The following RPS6KA5 variants were observed in gnomAD, a reference collection of about 807,000 sequenced individuals.
The protein encoded by RPS6KA5 is ribosomal protein S6 kinase alpha-5.
A neutral mutation model predicts 85.5 loss-of-function variants in RPS6KA5; 27 were observed. The ratio of observed to expected loss-of-function variants is 0.32; its 90% CI spans 0.23 to 0.44. The LOEUF (loss-of-function observed/expected upper bound fraction) is 0.44, where lower values mean the gene tolerates loss of function less well. Ranked by LOEUF, RPS6KA5 falls within the 20% of genes least tolerant of loss-of-function variation. The probability of loss-of-function intolerance (pLI) is 1.00; values close to 1 mark genes in which losing one functional copy is unlikely to be tolerated. For missense variants in RPS6KA5, 811 were observed against 980.9 expected, an observed-to-expected ratio of 0.83 and a Z score of 2.31; for synonymous variants, 334 against 348.2, an observed-to-expected ratio of 0.96 and a Z score of 0.46.
Position 90,900,188 on chromosome 14 carries a change from T to C in RPS6KA5, c.1299A>G (p.Gly433=), listed in dbSNP as rs1410363348. The change falls in exon 11 of 17, where the codon GGA becomes GGG. Residue 433 remains glycine (G), a synonymous_variant. Coordinates refer to ENST00000614987, the MANE Select transcript of RPS6KA5 (RefSeq NM_004755.4). Reference sequence around the variant, plus strand: ...TTCGACAAATTGAAAAACTACCTTCTCCCAGGGGTTTGTCCTTCAAATCTA... The same window carrying C: ...TTCGACAAATTGAAAAACTACCTTCCCCCAGGGGTTTGTCCTTCAAATCTA... ...YDLDLKDKPL[G]EGSFSICRKC... is the part of the protein sequence containing the mutation. 28 of 1,605,400 alleles carry C rather than the reference T, an allele frequency of 1.7e-5. No individual in the cohort carries two copies. The highest frequency in any genetic ancestry group is 2.4e-5 in the Non-Finnish European group (28 of 1,175,194).
intron 2 of RPS6KA5, among the ~76,000 whole-genome samples, chr14:90,994,333 T>A (rs952922820): frequency 1.3e-5 from 2 of 152,052 alleles, no homozygotes; most frequent in African/African-American, 4.8e-5. Flanking sequence ...ATACTTTGAA[T>A]TGTTTTTTTT....
chr14:91,021,822 T>C (rs1292067073), intron 1 of RPS6KA5, among the ~76,000 whole-genome samples: 3 of 152,208 alleles, frequency 2.0e-5, no homozygotes, highest in Non-Finnish European at 4.4e-5. Flanking sequence ...TTTCTTTTTC[T>C]TTCTCTCTTT....
intron 14 of RPS6KA5, among the ~76,000 whole-genome samples, chr14:90,889,393 AC>A (rs1209304887): frequency 6.6e-6 from 1 of 152,168 alleles, no homozygotes; most frequent in Non-Finnish European, 1.5e-5. Flanking sequence ...CATCAAAGAA[AC>A]ACATGCAAAT....
At chr14:91,058,359 A>T (rs920416300) in intron 1 of RPS6KA5, among the ~76,000 whole-genome samples, 1 of 152,254 alleles carries the variant, frequency 6.6e-6, no homozygotes, top group South Asian at 2.1e-4. Context: ...GGGGAAATAA[A>T]GCAGTACTCA....
chr14:90,975,505 G>A (rs1340612867), intron 3 of RPS6KA5, among the ~76,000 whole-genome samples: 11 of 152,300 alleles, frequency 7.2e-5, no homozygotes, highest in Admixed American at 5.9e-4. Context: ...GATACCAGGG[G>A]CACACATGCG....
At chr14:90,908,240 AAGG>A (rs1408283561) in intron 7 of RPS6KA5, among the ~76,000 whole-genome samples, 1 of 152,236 alleles carries the variant, frequency 6.6e-6, no homozygotes, top group Non-Finnish European at 1.5e-5. Flanking sequence ...AGAAGAACAC[AAGG>A]AGACCACATG....
intron 5 of RPS6KA5, among the ~76,000 whole-genome samples, chr14:90,923,724 A>G (rs2036521205): frequency 6.6e-6 from 1 of 152,042 alleles, no homozygotes; most frequent in African/African-American, 2.4e-5. Context: ...TTTTTTTTCT[A>G]CCTTACCATC....
At chr14:91,029,496 T>C (rs958901218) in intron 1 of RPS6KA5, among the ~76,000 whole-genome samples, 3 of 152,234 alleles carry the variant, frequency 2.0e-5, no homozygotes, top group Non-Finnish European at 4.4e-5. Flanking sequence ...ACATTGCATG[T>C]AGGCACTGTG....
rs1273893952 is a variant in RPS6KA5, at chr14:90,852,129, G to A, written c.*19945C>T. ...TTTTAAGACGGAGTCTCGCTCTGTC[G>A]CCCAGGCTGGAGTGCAGTGGTGTGG... On this transcript the variant is annotated 3_prime_UTR_variant, in exon 17 of 17. Coordinates refer to ENST00000614987, the MANE Select transcript of RPS6KA5 (RefSeq NM_004755.4). 1 of 116,010 alleles carries A rather than the reference G, an allele frequency of 8.6e-6. No individual in the cohort carries two copies. Among genetic ancestry groups the A allele is most frequent in the African/African-American group, 3.2e-5 (1 of 30,856 alleles). 7.2% of individuals were successfully genotyped at this position (116,010 alleles called of 1,614,324 possible).
intron 5 of RPS6KA5, among the ~76,000 whole-genome samples, chr14:90,935,462 T>C (rs1298263452): frequency 6.6e-6 from 1 of 152,222 alleles, no homozygotes; most frequent in Admixed American, 6.5e-5. Flanking sequence ...ATGATAATTC[T>C]ATAAATTAGG....
At chr14:91,040,985 C>G (rs954941574) in intron 1 of RPS6KA5, among the ~76,000 whole-genome samples, 18 of 152,188 alleles carry the variant, frequency 1.2e-4, no homozygotes, top group Non-Finnish European at 1.8e-4. Context: ...GTAGAAACAG[C>G]TGGTATCAAC....
At chr14:90,913,721 A>G (rs1431790653) in intron 7 of RPS6KA5, among the ~76,000 whole-genome samples, 1 of 152,130 alleles carries the variant, frequency 6.6e-6, no homozygotes, top group Non-Finnish European at 1.5e-5. Context: ...CAATCATTCC[A>G]TGATGGCCCT....
At chr14:90,953,262 T>C (rs558088543) in intron 3 of RPS6KA5, among the ~76,000 whole-genome samples, 2 of 152,344 alleles carry the variant, frequency 1.3e-5, no homozygotes, top group South Asian at 4.1e-4. Context: ...TGAACATAAA[T>C]TGTGAAGATT....
intron 3 of RPS6KA5, among the ~76,000 whole-genome samples, chr14:90,973,943 G>C (rs1628669): frequency 0.77 from 115,663 of 149,954 alleles, 44,851 homozygotes; most frequent in East Asian, 0.97. Flanking sequence ...GAGGCTGAGG[G>C]AGGAGAATCA....
chr14:90,865,902 T>C lies in RPS6KA5; in HGVS notation c.*6172A>G, dbSNP rs573174569. ...CTTCTCTATGTTGATTGCAGATGTTTCTATCTCAGAATTTAAGTCTACTTG... is the reference window on the plus strand; with the variant it reads ...CTTCTCTATGTTGATTGCAGATGTTCCTATCTCAGAATTTAAGTCTACTTG... On this transcript the variant is annotated 3_prime_UTR_variant, in exon 17 of 17. Coordinates refer to ENST00000614987, the MANE Select transcript of RPS6KA5 (RefSeq NM_004755.4). The C allele has an allele frequency of 1.3e-5, 2 of 152,320 alleles. No homozygotes were observed. The highest frequency in any genetic ancestry group is 3.9e-4 in the East Asian group (2 of 5,194). 9.4% of individuals were successfully genotyped at this position (152,320 alleles called of 1,614,324 possible). A position where few individuals can be genotyped will look rare whatever the true frequency, so the allele number is the denominator to read the frequency against.
intron 3 of RPS6KA5, among the ~76,000 whole-genome samples, chr14:90,977,616 G>A (rs191623107): frequency 3.3e-5 from 5 of 152,052 alleles, no homozygotes; most frequent in East Asian, 3.9e-4. Context: ...ATGAACGTCC[G>A]TCCCCTTGTC....
chr14:91,058,445 T>A (rs144334148), intron 1 of RPS6KA5, among the ~76,000 whole-genome samples: 13 of 152,340 alleles, frequency 8.5e-5, no homozygotes, highest in African/African-American at 2.4e-4. Context: ...AACAAGCAGG[T>A]TGCTCCTTGG....
chr14:90,947,675 C>A, intron 3 of RPS6KA5, 125 bp from the exon 4 acceptor site: 1 of 596,296 alleles, frequency 1.7e-6, no homozygotes, highest in Non-Finnish European at 2.9e-6. Flanking sequence ...TACAATTTAG[C>A]ATACAGTATC....
In RPS6KA5 at chr14:90,872,315, T is replaced by C. The variant is rs1321813401; in HGVS notation, c.2168A>G (p.Asn723Ser). Reference protein sequence around the residue: ...TCVKATFHAFNKYKREGFCLQ... With the variant: ...TCVKATFHAFSKYKREGFCLQ... ...GCAAAACCCCTCTCTCTTGTATTTG[T>C]TAAAGGCCTGGCGGGGGAAAAAAAG... Residue 723 changes from asparagine (N) to serine (S), a missense_variant, in exon 17 of 17, where the codon AAC becomes AGC. Physicochemically the swap from Asn to Ser is conservative, Grantham distance 46. Coordinates refer to ENST00000614987, the MANE Select transcript of RPS6KA5 (RefSeq NM_004755.4). 1 of 1,610,050 alleles carries C rather than the reference T, an allele frequency of 6.2e-7. No homozygotes were observed. Among genetic ancestry groups the C allele is most frequent in the South Asian group, 1.1e-5 (1 of 90,556 alleles).
Sources: gnomAD v4.1 joint callset for allele counts (sites outside exome capture counted in the v4.1 genomes callset) on GRCh38, gnomAD v4.1.1 for gene constraint, MANE v1.5 for transcripts, NCBI Gene and HGNC (gene_info 2026-07-23, HGNC 2026-07-21) for gene names.